Variants in SEC61A1 observed in about 807,000 individuals in gnomAD.
The protein encoded by SEC61A1 is SEC61 translocon subunit alpha 1, also known as protein transport protein Sec61 subunit alpha isoform 1.
In SEC61A1, 15 loss-of-function variants were observed where a neutral mutation model predicts 55.2. The ratio of observed to expected loss-of-function variants is 0.27; its 90% CI spans 0.18 to 0.42. The LOEUF (loss-of-function observed/expected upper bound fraction) is 0.42, where lower values mean the gene tolerates loss of function less well. Among genes scored for constraint, SEC61A1 ranks in the 10% least tolerant of loss-of-function variants. The pLI, the probability that SEC61A1 is intolerant of heterozygous loss-of-function variation, is 1.00. For missense variants in SEC61A1, 284 were observed against 602.6 expected, an observed-to-expected ratio of 0.47 and a Z score of 5.53; for synonymous variants, 247 against 234.0, an observed-to-expected ratio of 1.06 and a Z score of -0.51.
upstream of SEC61A1, chr3:128,051,787 GC>G: frequency 1.3e-6 from 2 of 1,530,208 alleles, no homozygotes; most frequent in Non-Finnish European, 1.7e-6. Context: ...TTCCCGAGCT[GC>G]CCCGGCCCTT....
intron 2 of SEC61A1, among the ~76,000 whole-genome samples, chr3:128,053,802 C>T (rs115349241): frequency 0.012 from 1,868 of 152,274 alleles, 44 homozygotes; most frequent in African/African-American, 0.042. Flanking sequence ...AGCTATGTGA[C>T]CTTGGCCTTG....
intron 7 of SEC61A1, among the ~76,000 whole-genome samples, chr3:128,063,638 A>G (rs1000735966): frequency 2.6e-5 from 4 of 151,974 alleles, no homozygotes; most frequent in African/African-American, 9.7e-5. Flanking sequence ...CCCGACTCCT[A>G]TTTGACTTTT....
chr3:128,065,694 T>C (rs1210794049), intron 8 of SEC61A1, among the ~76,000 whole-genome samples: 2 of 150,936 alleles, frequency 1.3e-5, no homozygotes, highest in African/African-American at 2.4e-5. Flanking sequence ...GCTATCTCTT[T>C]AGGGGCTTTG....
intron 2 of SEC61A1, among the ~76,000 whole-genome samples, chr3:128,054,582 G>C (rs1056892281): frequency 1.3e-5 from 2 of 152,016 alleles, no homozygotes; most frequent in African/African-American, 4.8e-5. Flanking sequence ...TCCAGTTCTG[G>C]CCAGAGGGCC....
intron 7 of SEC61A1, among the ~76,000 whole-genome samples, chr3:128,063,879 TTAA>T (rs1301050429): frequency 6.6e-6 from 1 of 152,204 alleles, no homozygotes; most frequent in Non-Finnish European, 1.5e-5. Flanking sequence ...AACTTAGGCC[TTAA>T]TAATGCACCA....
chr3:128,063,839 A>G (rs1941890000), intron 7 of SEC61A1, among the ~76,000 whole-genome samples: 1 of 152,102 alleles, frequency 6.6e-6, no homozygotes, highest in Non-Finnish European at 1.5e-5. Flanking sequence ...TTAGTTTTTT[A>G]ACGTAAGTAA....
intron 7 of SEC61A1, 118 bp from the exon 8 acceptor site, chr3:128,064,759 C>T: frequency 2.6e-6 from 2 of 781,038 alleles, no homozygotes; most frequent in East Asian, 5.1e-5. Context: ...TGGCTATGGG[C>T]ACCATGAGTC....
chr3:128,066,819 A>G, intron 8 of SEC61A1, 135 bp from the exon 9 acceptor site: 1 of 766,574 alleles, frequency 1.3e-6, no homozygotes, highest in East Asian at 2.7e-5. Context: ...AAGCTCTCGG[A>G]ACTGGGAGCC....
intron 11 of SEC61A1, 95 bp from the exon 12 acceptor site, chr3:128,069,381 G>A: frequency 2.6e-6 from 3 of 1,144,946 alleles, no homozygotes; most frequent in Non-Finnish European, 3.8e-6. Flanking sequence ...GGCCTTTGAG[G>A]CATTAGGTCC....
intron 5 of SEC61A1, among the ~76,000 whole-genome samples, chr3:128,057,677 G>T (rs1488449778): frequency 7.8e-6 from 1 of 127,652 alleles, no homozygotes; most frequent in East Asian, 2.3e-4. Flanking sequence ...GGCCAACATG[G>T]TGAAACCCCA....
chr3:128,065,122 G>T, intron 8 of SEC61A1, 85 bp downstream of exon 8: 1 of 1,362,318 alleles, frequency 7.3e-7, no homozygotes, highest in Non-Finnish European at 1.1e-6. Context: ...CACTCTGTGG[G>T]GTGCACTGTC....
At chr3:128,051,669 A>T (rs1941674877), upstream of SEC61A1, 25 of 1,425,670 alleles carry the variant, frequency 1.8e-5, 1 homozygote, top group South Asian at 3.6e-4. Context: ...TGCCCACAAC[A>T]GTCTCCTCAA....
At chr3:128,055,356 A>G (rs1232299617) in intron 2 of SEC61A1, among the ~76,000 whole-genome samples, 160 bp from the exon 3 acceptor site, 3 of 152,230 alleles carry the variant, frequency 2.0e-5, no homozygotes, top group Admixed American at 1.3e-4. Flanking sequence ...TACGCAGTAC[A>G]TGGTACTTAT....
rs1010074310 is a variant in SEC61A1 at position 128,069,819 on chromosome 3, A to G, written c.*157A>G. On this transcript the variant is annotated 3_prime_UTR_variant, in exon 12 of 12. Transcript: ENST00000243253. ...TGTGTAAAGTGCTAGACATTTTCCAATTTAAAATTTTGCTTTTTATCCTGG... is the reference window on the plus strand; with the variant it reads ...TGTGTAAAGTGCTAGACATTTTCCAGTTTAAAATTTTGCTTTTTATCCTGG... 1.7e-5 allele frequency: 12 copies of G among 725,236 alleles called. No individual in the cohort carries two copies. Among genetic ancestry groups the G allele is most frequent in the Non-Finnish European group, 2.6e-5 (12 of 457,616 alleles). The allele number at this position is 725,236 out of a possible 1,614,324, so 44.9% of individuals were successfully genotyped here. A position where few individuals can be genotyped will look rare whatever the true frequency, so the allele number is the denominator to read the frequency against.
chr3:128,056,322 A>G (rs1941769557), intron 4 of SEC61A1, among the ~76,000 whole-genome samples: 1 of 152,220 alleles, frequency 6.6e-6, no homozygotes, highest in East Asian at 1.9e-4. Flanking sequence ...CTTATTCACA[A>G]CTAGATACAA....
chr3:128,052,164 G>A (rs1026961846), upstream of SEC61A1, among the ~76,000 whole-genome samples: 10 of 152,056 alleles, frequency 6.6e-5, no homozygotes, highest in African/African-American at 2.4e-4. Flanking sequence ...CCCCAGTCTC[G>A]GGAGGCGTGA....
At chr3:128,065,362 T>C (rs955526735) in intron 8 of SEC61A1, 11 of 579,470 alleles carry the variant, frequency 1.9e-5, no homozygotes, top group East Asian at 5.7e-5. Flanking sequence ...TGAAACCTCA[T>C]TGCTCTCTTA....
chr3:128,055,734 T>A lies in SEC61A1; in HGVS notation c.203T>A (p.Ile68Asn). ...SADPFYWMRVILASNRGTLME... is the reference protein window; with the variant it reads ...SADPFYWMRVNLASNRGTLME... Reference sequence around the variant, plus strand: ...GACCCTTTCTATTGGATGAGAGTGATTCTAGCCTCTAACAGAGGTAGGACT... The same window carrying A: ...GACCCTTTCTATTGGATGAGAGTGAATCTAGCCTCTAACAGAGGTAGGACT... The change falls in exon 4 of 12, where the codon ATT becomes AAT. Residue 68 changes from isoleucine (I) to asparagine (N), a missense_variant. Transcript: ENST00000243253. 1 of 1,569,552 alleles carries A rather than the reference T, an allele frequency of 6.4e-7. No homozygotes were observed. The highest frequency in any genetic ancestry group is 8.8e-7 in the Non-Finnish European group (1 of 1,139,242).
intron 5 of SEC61A1, among the ~76,000 whole-genome samples, chr3:128,059,468 C>CAAAAAA (rs796958852): frequency 1.0e-5 from 1 of 99,632 alleles, no homozygotes. Context: ...GACTCCGTCT[C>CAAAAAA]AAAAAAAAAA....
Sources: allele counts gnomAD v4.1 joint callset (sites outside exome capture counted in the v4.1 genomes callset), GRCh38; gene constraint gnomAD v4.1.1; transcripts MANE v1.5; gene names NCBI Gene and HGNC (gene_info 2026-07-23, HGNC 2026-07-21).